SYNE2: variants seen among roughly 807,000 people sequenced by gnomAD.
The protein encoded by SYNE2 is spectrin repeat containing nuclear envelope protein 2, also known as nesprin-2.
A neutral mutation model predicts 856.3 loss-of-function variants in SYNE2; 431 were observed. That is an observed-to-expected ratio of 0.50 (90% CI 0.47 to 0.55). The LOEUF (loss-of-function observed/expected upper bound fraction) is 0.55, where lower values mean the gene tolerates loss of function less well. Among genes scored for constraint, SYNE2 ranks in the 20% least tolerant of loss-of-function variants. The pLI, the probability that SYNE2 is intolerant of heterozygous loss-of-function variation, is 0.00. For missense variants in SYNE2, 8,129 were observed against 8,023.2 expected, an observed-to-expected ratio of 1.01 and a Z score of -0.50; for synonymous variants, 2,923 against 2,872.3, an observed-to-expected ratio of 1.02 and a Z score of -0.56.
intron 1 of SYNE2, among the ~76,000 whole-genome samples, chr14:63,828,074 G>A (rs1889528166): frequency 6.6e-6 from 1 of 151,270 alleles, no homozygotes; most frequent in African/African-American, 2.4e-5. Flanking sequence ...GTGCATGCCT[G>A]TAACCCCAGC....
In SYNE2 at chr14:64,137,803, TTGG is replaced by T; in HGVS notation, c.14667_14669del (p.Gly4890del). On this transcript the variant is annotated inframe_deletion, in exon 79 of 116. Coordinates refer to ENST00000555002, the MANE Select transcript of SYNE2 (RefSeq NM_182914.3). Reference sequence around the variant, plus strand: ...TTTTATTAGCAAATAAAAAGAAACATTGGTGGAAAACACGCCCGGCTTTACCAA... The same window carrying T: ...TTTTATTAGCAAATAAAAAGAAACATTGGAAAACACGCCCGGCTTTACCAA... 1 of 1,614,192 alleles carries T rather than the reference TTGG, an allele frequency of 6.2e-7. No individual in the cohort carries two copies. Among genetic ancestry groups the T allele is most frequent in the Non-Finnish European group, 8.5e-7 (1 of 1,180,022 alleles).
chr14:64,225,259 AAT>A (rs1465932491), intron 115 of SYNE2, 58 bp from the exon 116 acceptor site: 6 of 1,612,774 alleles, frequency 3.7e-6, no homozygotes, highest in African/African-American at 1.3e-5. Flanking sequence ...GGGCTTAGGT[AAT>A]AGAGTGGGTT....
Position 64,000,694 on chromosome 14 carries a change from G to T in SYNE2, c.3613G>T (p.Glu1205Ter). The change falls in exon 28 of 116, where the codon GAG (glutamate) becomes TAG (stop). Residue 1205 changes from glutamate (E) to a stop codon, truncating the protein, a stop_gained. Coordinates refer to ENST00000555002, the MANE Select transcript of SYNE2 (RefSeq NM_182914.3). LOFTEE classifies it high-confidence loss of function. ...ERDTLKERER[E>*]LQMTLNTRME... ...AGACACACTAAAGGAAAGAGAAAGA[G>T]AGCTTCAGATGACTCTTAATACCAG... The T allele has an allele frequency of 6.2e-7, 1 of 1,613,032 alleles. No homozygotes were observed. Among genetic ancestry groups the T allele is most frequent in the South Asian group, 1.1e-5 (1 of 90,948 alleles).
intron 65 of SYNE2, among the ~76,000 whole-genome samples, chr14:64,112,190 T>G (rs1379743271): frequency 6.6e-6 from 1 of 152,222 alleles, no homozygotes; most frequent in Non-Finnish European, 1.5e-5. Flanking sequence ...CAAAATTCCG[T>G]AAACATTGAA....
chr14:64,140,156 C>A (rs1443991669), intron 80 of SYNE2, 83 bp downstream of exon 80: 3 of 1,393,730 alleles, frequency 2.2e-6, no homozygotes, highest in Non-Finnish European at 3.0e-6. Flanking sequence ...ATGTGATAGT[C>A]TTCGTATTTA....
chr14:64,161,685 C>T (rs2098330869), intron 87 of SYNE2, among the ~76,000 whole-genome samples: 1 of 146,168 alleles, frequency 6.8e-6, no homozygotes, highest in South Asian at 2.2e-4. Context: ...TGGAGGATTA[C>T]TTGAGCTGCA....
chr14:63,798,582 C>T (rs1164992157), intron 1 of SYNE2, among the ~76,000 whole-genome samples: 2 of 151,728 alleles, frequency 1.3e-5, no homozygotes, highest in Non-Finnish European at 2.9e-5. Context: ...TTAGTAGACA[C>T]GGGGTTTCAC....
intron 53 of SYNE2, among the ~76,000 whole-genome samples, chr14:64,075,014 A>G (rs937402123): frequency 5.3e-5 from 8 of 152,246 alleles, no homozygotes; most frequent in Non-Finnish European, 7.3e-5. Context: ...CTAGGTGTAG[A>G]TAAAACGGGA....
At chr14:64,183,808 C>G (rs532522047) in intron 96 of SYNE2, among the ~76,000 whole-genome samples, 11 of 151,972 alleles carry the variant, frequency 7.2e-5, no homozygotes, top group African/African-American at 2.4e-4. Context: ...CCCAGGCACT[C>G]GGCAGGCTGA....
intron 1 of SYNE2, among the ~76,000 whole-genome samples, chr14:63,818,493 G>C (rs921158392): frequency 5.9e-5 from 9 of 152,048 alleles, no homozygotes; most frequent in African/African-American, 2.2e-4. Context: ...ACTCCAGCTG[G>C]GCAACAGAAC....
intron 1 of SYNE2, among the ~76,000 whole-genome samples, chr14:63,802,399 A>G (rs1201100028): frequency 1.3e-5 from 2 of 151,878 alleles, no homozygotes; most frequent in South Asian, 2.1e-4. Context: ...GAGCCACTAC[A>G]TCCGGCCACA....
chr14:64,130,883 C>CAAA (rs34083068), intron 76 of SYNE2, among the ~76,000 whole-genome samples: 1 of 99,558 alleles, frequency 1.0e-5, no homozygotes, highest in Non-Finnish European at 2.2e-5. Context: ...GACTCTATCT[C>CAAA]AAAAAAAAAA....
intron 96 of SYNE2, among the ~76,000 whole-genome samples, chr14:64,184,360 G>GTGTGTGTGTC (rs1555532282): frequency 1.3e-5 from 2 of 151,672 alleles, no homozygotes; most frequent in Admixed American, 1.3e-4. Context: ...GTGTGTGTGT[G>GTGTGTGTGTC]TGTATGTGTA....
At chr14:64,167,061 G>C in intron 90 of SYNE2, 172 bp from the exon 91 acceptor site, 1 of 736,662 alleles carries the variant, frequency 1.4e-6, no homozygotes, top group Non-Finnish European at 2.2e-6. Flanking sequence ...GCACAGCATT[G>C]AGATAGCTGA....
chr14:64,173,547 C>G (rs955326543), intron 94 of SYNE2, among the ~76,000 whole-genome samples: 2 of 152,122 alleles, frequency 1.3e-5, no homozygotes, highest in African/African-American at 4.8e-5. Flanking sequence ...GAAAAATGCC[C>G]ACACTTTGTC....
At chr14:63,869,947 C>G (rs1394876285) in intron 1 of SYNE2, among the ~76,000 whole-genome samples, 1 of 152,178 alleles carries the variant, frequency 6.6e-6, no homozygotes, top group Non-Finnish European at 1.5e-5. Context: ...TTAATCCCCT[C>G]TGACTCTGTT....
At chr14:64,183,441 C>T (rs1339616109) in intron 96 of SYNE2, among the ~76,000 whole-genome samples, 1 of 150,060 alleles carries the variant, frequency 6.7e-6, no homozygotes. Context: ...ACTGGGCAGC[C>T]AGGCAGAGGG....
intron 2 of SYNE2, among the ~76,000 whole-genome samples, chr14:63,928,846 C>A (rs539986421): frequency 6.6e-6 from 1 of 151,954 alleles, no homozygotes; most frequent in East Asian, 1.9e-4. Flanking sequence ...TTACCGTGTC[C>A]GTCCTAGCTA....
chr14:63,949,246 A>G (rs1054548791), intron 6 of SYNE2, among the ~76,000 whole-genome samples: 4 of 152,176 alleles, frequency 2.6e-5, no homozygotes. Context: ...TACTTTCACC[A>G]TCACTGGGTA....
Sources: allele counts gnomAD v4.1 joint callset (sites outside exome capture counted in the v4.1 genomes callset), GRCh38; gene constraint gnomAD v4.1.1; transcripts MANE v1.5; gene names NCBI Gene and HGNC (gene_info 2026-07-23, HGNC 2026-07-21).